The following NEBL variants were observed in gnomAD, a reference collection of about 807,000 sequenced individuals.
NEBL encodes LIM and SH3 protein 2.
Under a neutral mutation model 140.2 loss-of-function variants are expected in NEBL, and 122 were observed. The observed-to-expected ratio is 0.87, with a 90% CI of 0.75 to 1.01. NEBL has a LOEUF of 1.01. NEBL is among the 50% of genes least tolerant of loss of function. NEBL has a pLI of 0.00. For missense variants in NEBL, 1,365 were observed against 1,231.3 expected, an observed-to-expected ratio of 1.11 and a Z score of -1.62; for synonymous variants, 436 against 398.9, an observed-to-expected ratio of 1.09 and a Z score of -1.11.
chr10:20,826,600 C>T (rs1839899951), intron 17 of NEBL, 61 bp from the exon 18 acceptor site: 3 of 1,279,768 alleles, frequency 2.3e-6, no homozygotes, highest in Non-Finnish European at 2.3e-6. Flanking sequence ...CCTAGATCCG[C>T]TTCTTAGAAA....
At chr10:21,149,479 C>T (rs753965862) in intron 2 of NEBL, among the ~76,000 whole-genome samples, 1 of 152,078 alleles carries the variant, frequency 6.6e-6, no homozygotes, top group African/African-American at 2.4e-5. Flanking sequence ...TTAGTAGATA[C>T]GGGGTTTCAC....
chr10:21,114,160 C>A (rs544780700), intron 2 of NEBL, among the ~76,000 whole-genome samples: 6 of 152,002 alleles, frequency 3.9e-5, no homozygotes, highest in African/African-American at 1.2e-4. Flanking sequence ...TCTAATTTCA[C>A]TTGTGATTTT....
rs748781067 is a variant in NEBL, at chr10:20,858,336, G to C, written c.807C>G (p.Tyr269Ter). The change falls in exon 9 of 28, where the codon TAC becomes TAG. Residue 269 changes from tyrosine to a stop codon, truncating the protein, a stop_gained. Coordinates refer to ENST00000377122, the MANE Select transcript of NEBL (RefSeq NM_006393.3). LOFTEE classifies it high-confidence loss of function. ...LAATLASNVKYKKDIQNMHDP... is the reference protein window; with the variant it reads ...LAATLASNVK ...CATGCATATTTTGAATGTCTTTCTT[G>C]TACTTCACCTATGAAAATAACATGG... The C allele has an allele frequency of 1.0e-5, 16 of 1,594,772 alleles. No individual in the cohort carries two copies. The highest frequency in any genetic ancestry group is 1.4e-5 in the Non-Finnish European group (16 of 1,162,492).
rs1844739042 is a variant in NEBL, at chr10:20,869,849, G to C, written c.481-8C>G. ...GTCTTTCCTATAAGAAATCTGATCA[G>C]AGACAGTTTTGGTTAAAAAATAAAT... On this transcript the variant is annotated splice_region_variant and splice_polypyrimidine_tract_variant and intron_variant, in intron 5 of 27. Transcript: ENST00000377122. The C allele has an allele frequency of 1.3e-6, 2 of 1,569,498 alleles. No individual in the cohort carries two copies. Among genetic ancestry groups the C allele is most frequent in the East Asian group, 2.2e-5 (1 of 44,638 alleles).
At chr10:21,149,783 T>C (rs944479896) in intron 2 of NEBL, among the ~76,000 whole-genome samples, 1 of 152,174 alleles carries the variant, frequency 6.6e-6, no homozygotes, top group Non-Finnish European at 1.5e-5. Flanking sequence ...GGCGGTCTTG[T>C]AGGACTGAGC....
intron 2 of NEBL, among the ~76,000 whole-genome samples, chr10:21,123,517 G>A (rs866325329): frequency 4.6e-5 from 7 of 151,940 alleles, no homozygotes; most frequent in South Asian, 2.1e-4. Context: ...AGCTCAAGTC[G>A]TCCTGACCTT....
chr10:20,954,287 C>G (rs1835671180), intron 4 of NEBL, among the ~76,000 whole-genome samples: 2 of 152,056 alleles, frequency 1.3e-5, no homozygotes, highest in Non-Finnish European at 2.9e-5. Flanking sequence ...ATTCACTCAT[C>G]AAAGTAAAAA....
chr10:20,817,240 G>A lies in NEBL; in HGVS notation c.2148+360C>T, dbSNP rs556352074. Among the ~76,000 whole-genome samples, 18 of 152,238 alleles carry A rather than the reference G, an allele frequency of 1.2e-4. No homozygotes were observed. The East Asian group carries it at 3.5e-3, about 29-fold the overall frequency. On this transcript the variant is annotated intron_variant, in intron 21 of 27. Coordinates refer to ENST00000377122, the MANE Select transcript of NEBL (RefSeq NM_006393.3). ...AAATTAGCCAGGTGTGGCAGCATGT[G>A]CCTGTAATCCCAGCTGCTTGGGAGG...
In NEBL at chr10:21,120,395, T is replaced by A. The variant is rs1327096776; in HGVS notation, c.164+51988A>T. 2.5e-3 allele frequency among the ~76,000 whole-genome samples: 255 copies of A among 102,264 alleles called. 7 individuals carry two copies. The highest frequency in any genetic ancestry group is 0.011 in the African/African-American group (236 of 20,968). The allele number at this position is 102,264 out of a possible 152,430, so 67.1% of individuals were successfully genotyped here. A position where few individuals can be genotyped will look rare whatever the true frequency, so the allele number is the denominator to read the frequency against. On this transcript the variant is annotated intron_variant, in intron 2 of 6. Coordinates refer to the NEBL transcript ENST00000417816. ...GTCTCAAAAAAAAAAAAAAAATACA[T>A]ATATATATATATATATATATATATA...
chr10:21,003,777 T>C (rs933494824), intron 3 of NEBL, among the ~76,000 whole-genome samples: 3 of 152,224 alleles, frequency 2.0e-5, no homozygotes, highest in African/African-American at 7.2e-5. Flanking sequence ...TAATTCTGCT[T>C]TTCATAGGAA....
At chr10:21,108,538 G>C (rs1366440830) in intron 2 of NEBL, among the ~76,000 whole-genome samples, 1 of 152,044 alleles carries the variant, frequency 6.6e-6, no homozygotes, top group East Asian at 1.9e-4. Flanking sequence ...AGTTTGTTGT[G>C]ATTTCTGTTC....
intron 7 of NEBL, among the ~76,000 whole-genome samples, chr10:20,860,712 C>A (rs1194458198): frequency 2.0e-5 from 3 of 151,884 alleles, no homozygotes; most frequent in African/African-American, 7.3e-5. Context: ...TAATTATTAC[C>A]ATGTTTGGTT....
Position 21,173,910 on chromosome 10 carries a change from C to T in NEBL, c.-77G>A. 1.3e-6 allele frequency: 2 copies of T among 1,558,114 alleles called. No homozygotes were observed. Among genetic ancestry groups the T allele is most frequent in the South Asian group, 1.2e-5 (1 of 85,948 alleles). On this transcript the variant is annotated 5_prime_UTR_variant, in exon 1 of 7. Transcript: ENST00000417816. This position sits in a 1 kb window ranked among gnomAD's most constrained non-coding sequence, Gnocchi z 5.7. ...CGCTGTGACATCCCCCGGCGAGCCC[C>T]GCACCGCCTCCTGGCAGGCGGGAGG... is the stretch of plus-strand genomic sequence containing the variant.
chr10:20,842,841 G>C (rs1016998944), intron 12 of NEBL, among the ~76,000 whole-genome samples: 6 of 152,058 alleles, frequency 3.9e-5, no homozygotes, highest in African/African-American at 1.4e-4. Context: ...TAGAGATTTT[G>C]AACTCTTTGA....
chr10:21,158,517 C>T (rs528862448), intron 2 of NEBL, among the ~76,000 whole-genome samples: 1 of 152,146 alleles, frequency 6.6e-6, no homozygotes, highest in African/African-American at 2.4e-5. Context: ...GTGAGGAAAC[C>T]GAGGGATGGT....
At chr10:20,830,362 C>T (rs776749745) in intron 16 of NEBL, among the ~76,000 whole-genome samples, 5 of 151,924 alleles carry the variant, frequency 3.3e-5, no homozygotes, top group Non-Finnish European at 5.9e-5. Context: ...GGGAGTCATT[C>T]TTTTTTAGTA....
intron 2 of NEBL, chr10:21,126,093 C>T (rs1838817700): frequency 6.2e-7 from 1 of 1,613,396 alleles, no homozygotes; most frequent in Non-Finnish European, 8.5e-7. Flanking sequence ...GCCTCAGGCC[C>T]TTCTCGGCTC....
chr10:20,880,977 C>T, intron 4 of NEBL, 73 bp from the exon 5 acceptor site: 2 of 1,215,804 alleles, frequency 1.6e-6, no homozygotes. Flanking sequence ...CAGTGTTTTG[C>T]CAGGACTTTA....
intron 4 of NEBL, among the ~76,000 whole-genome samples, chr10:20,923,121 T>A (rs1482653280): frequency 1.3e-5 from 2 of 152,082 alleles, no homozygotes; most frequent in African/African-American, 4.8e-5. Context: ...CAGGCTGGAG[T>A]GCAGTGGTGC....
Sources: gnomAD v4.1 joint callset for allele counts (sites outside exome capture counted in the v4.1 genomes callset) on GRCh38, gnomAD v4.1.1 for gene constraint, Gnocchi (gnomAD v3.1) non-coding constraint, MANE v1.5 for transcripts, NCBI Gene and HGNC (gene_info 2026-07-23, HGNC 2026-07-21) for gene names.